Variants in RABGGTA observed in about 807,000 individuals in gnomAD.
RABGGTA encodes the protein geranylgeranyl transferase type-2 subunit alpha.
In RABGGTA, 69 loss-of-function variants were observed where a neutral mutation model predicts 83.3. The observed-to-expected ratio is 0.83, with a 90% confidence interval of 0.68 to 1.01. The LOEUF is 1.01. Among genes scored for constraint, RABGGTA ranks in the 50% least tolerant of loss-of-function variants. The pLI, the probability that RABGGTA is intolerant of heterozygous loss-of-function variation, is 0.00. For synonymous variants in RABGGTA, 310 were observed against 299.8 expected (o/e 1.03, Z -0.35); for missense variants, 681 against 712.7 (o/e 0.96, Z 0.51).
At position 24,266,908 on chromosome 14, in the gene RABGGTA, A is replaced by C. The variant is rs763442711; in HGVS notation, c.1354-19T>G. Reference sequence around the variant, plus strand: ...TCAGATCCTGGGGGGTGAAGGGAGGAAGGAGGTGATGGGCTTCCCAGGAGA... The same window carrying C: ...TCAGATCCTGGGGGGTGAAGGGAGGCAGGAGGTGATGGGCTTCCCAGGAGA... On this transcript the variant is annotated intron_variant, in intron 14 of 16. Coordinates refer to ENST00000216840, the MANE Select transcript of RABGGTA (RefSeq NM_182836.3). The C allele has an allele frequency of 6.3e-7, 1 of 1,588,908 alleles. No individual in the cohort carries two copies. Among genetic ancestry groups the C allele is most frequent in the South Asian group, 1.1e-5 (1 of 90,540 alleles).
At position 24,270,864 on chromosome 14, in the gene RABGGTA, C is replaced by T; in HGVS notation, c.87G>A (p.Gln29=). ...LEREQKLKLY[Q]SATQAVFQKR... Reference sequence around the variant, plus strand: ...TCTGGAATACGGCCTGGGTGGCTGACTGGTATAGCTTCAGCTTCTGCTCTC... The same window carrying T: ...TCTGGAATACGGCCTGGGTGGCTGATTGGTATAGCTTCAGCTTCTGCTCTC... Residue 29 remains glutamine (Q), a synonymous_variant, in exon 3 of 17, where the codon CAG becomes CAA. Coordinates refer to ENST00000216840, the MANE Select transcript of RABGGTA (RefSeq NM_182836.3). 1 of 1,613,984 alleles carries T rather than the reference C, an allele frequency of 6.2e-7. No homozygotes were observed. Among genetic ancestry groups the T allele is most frequent in the Middle Eastern group, 1.6e-4 (1 of 6,062 alleles).
chr14:24,271,278 G>A lies in RABGGTA; in HGVS notation c.-54-109C>T. ...GCAGAGACCCCCAGAGTGTAAAGAG[G>A]TCCTGGGACAGGCTTTGCACGTTCC... is the stretch of plus-strand genomic sequence containing the variant. On this transcript the variant is annotated intron_variant, in intron 1 of 16. Coordinates refer to ENST00000216840, the MANE Select transcript of RABGGTA (RefSeq NM_182836.3). 3 of 897,756 alleles carry A rather than the reference G, an allele frequency of 3.3e-6. No individual in the cohort carries two copies. The South Asian group carries it at 6.7e-5, about 20-fold the overall frequency. The allele number at this position is 897,756 out of a possible 1,614,324, so 55.6% of individuals were successfully genotyped here. A position where few individuals can be genotyped will look rare whatever the true frequency, so the allele number is the denominator to read the frequency against.
chr14:24,270,578 A>G, intron 3 of RABGGTA, 120 bp from the exon 4 acceptor site: 2 of 1,343,754 alleles, frequency 1.5e-6, no homozygotes. Context: ...GGTACTATGA[A>G]CCATGCTTTA....
chr14:24,269,030 T>C (rs761827064), intron 7 of RABGGTA, 37 bp from the exon 8 acceptor site: 3 of 1,581,330 alleles, frequency 1.9e-6, no homozygotes, highest in Non-Finnish European at 2.6e-6. Context: ...TTAAACCCTC[T>C]CCCATTCCTA....
chr14:24,270,451 G>A lies in RABGGTA; in HGVS notation c.122C>T (p.Ala41Val), dbSNP rs1356237443. 1.2e-6 allele frequency: 2 copies of A among 1,613,880 alleles called. No homozygotes were observed. The highest frequency in any genetic ancestry group is 2.7e-5 in the African/African-American group (2 of 74,912). The change falls in exon 4 of 17, where the codon GCT (alanine) becomes GTT (valine). Residue 41 changes from alanine (A) to valine (V), a missense_variant. Physicochemically the swap from Ala to Val is moderately conservative, Grantham distance 64 (BLOSUM62 0). Coordinates refer to ENST00000216840, the MANE Select transcript of RABGGTA (RefSeq NM_182836.3). ...CAGCACGGACTCATCCAGCTCACCA[G>A]CCTGGCGCTAAGAAGATAGGTGGCA... is the stretch of plus-strand genomic sequence containing the variant. Reference protein sequence around the residue: ...ATQAVFQKRQAGELDESVLEL... With the variant: ...ATQAVFQKRQVGELDESVLEL...
At position 24,271,095 on chromosome 14, in the gene RABGGTA, T is replaced by C. The variant is rs1248263859; in HGVS notation, c.3+18A>G. On this transcript the variant is annotated intron_variant, in intron 2 of 16. Coordinates refer to ENST00000216840, the MANE Select transcript of RABGGTA (RefSeq NM_182836.3). ...GCGCGGGCCTGCGGAGGTGAAGGGC[T>C]GGGCTCAGGGTTCTCACCATGGTGC... 18 of 1,563,196 alleles carry C rather than the reference T, an allele frequency of 1.2e-5. No individual in the cohort carries two copies. Among genetic ancestry groups the C allele is most frequent in the Non-Finnish European group, 1.6e-5 (18 of 1,153,736 alleles).
In RABGGTA at chr14:24,266,462, G is replaced by T. The variant is rs771117835; in HGVS notation, c.1523C>A (p.Pro508His). The T allele has an allele frequency of 3.7e-6, 6 of 1,613,902 alleles. No homozygotes were observed. In the Admixed American group the frequency reaches 5.0e-5, roughly 13 times the overall value. Residue 508 changes from proline to histidine, a missense_variant, in exon 16 of 17, where the codon CCC becomes CAC. Transcript: ENST00000216840. ...IESLDGVTNL[P>H]RLQELLLCNN... ...GCACAGTAGCAGCTCCTGCAGCCGGGGTAGGTTGGTGACGCCGTCCAGGGA... is the reference window on the plus strand; with the variant it reads ...GCACAGTAGCAGCTCCTGCAGCCGGTGTAGGTTGGTGACGCCGTCCAGGGA...
chr14:24,268,266 A>T (rs2040899053), intron 11 of RABGGTA, 68 bp from the exon 12 acceptor site: 3 of 1,606,228 alleles, frequency 1.9e-6, no homozygotes, highest in Non-Finnish European at 2.6e-6. Flanking sequence ...CATTCCCAGT[A>T]TCTAGACTGA....
chr14:24,269,767 C>T (rs1393652673), intron 5 of RABGGTA, 73 bp from the exon 6 acceptor site: 1 of 1,513,980 alleles, frequency 6.6e-7, no homozygotes, highest in African/African-American at 1.4e-5. Flanking sequence ...CCCTAGAGTC[C>T]CCTCAGGAAC....
chr14:24,270,058 C>G lies in RABGGTA; in HGVS notation c.322G>C (p.Gly108Arg). ...AGCCAGCATCGGTGGTGCCAGGTAC[C>G]ATAAGACTTGGGGTTCACCCGCAGG... ...SCLRVNPKSY[G>R]TWHHRCWLLG... Residue 108 changes from glycine (G) to arginine (R), a missense_variant, in exon 5 of 17, where the codon GGT becomes CGT. Physicochemically the swap from Gly to Arg is moderately radical, Grantham distance 125. Coordinates refer to ENST00000216840, the MANE Select transcript of RABGGTA (RefSeq NM_182836.3). 2 of 1,612,638 alleles carry G rather than the reference C, an allele frequency of 1.2e-6. No homozygotes were observed. Among genetic ancestry groups the G allele is most frequent in the Non-Finnish European group, 1.7e-6 (2 of 1,179,356 alleles).
chr14:24,269,224 C>A, intron 6 of RABGGTA, 61 bp from the exon 7 acceptor site: 1 of 1,447,944 alleles, frequency 6.9e-7, no homozygotes, highest in South Asian at 1.2e-5. Flanking sequence ...CTGGCCACTC[C>A]AACACCCTAC....
intron 11 of RABGGTA, 33 bp from the exon 12 acceptor site, chr14:24,268,231 C>A: frequency 6.2e-7 from 1 of 1,608,644 alleles, no homozygotes; most frequent in Non-Finnish European, 8.5e-7. Flanking sequence ...GGAGTTGAGG[C>A]CCACAGCCCT....
rs775428396 is a variant in RABGGTA, at chr14:24,270,981, T to G, written c.4-34A>C. ...ATGAACGGGTTGGAAGAGTGCAGGT[T>G]GCCTTGCAGAAGCTGACCTGCAAAA... On this transcript the variant is annotated intron_variant, in intron 2 of 16. Coordinates refer to ENST00000216840, the MANE Select transcript of RABGGTA (RefSeq NM_182836.3). The G allele has an allele frequency of 6.1e-5, 98 of 1,609,654 alleles. No homozygotes were observed. The Middle Eastern group carries it at 6.6e-4, about 11-fold the overall frequency.
intron 12 of RABGGTA, 44 bp downstream of exon 12, chr14:24,268,066 C>T: frequency 6.2e-7 from 1 of 1,610,450 alleles, no homozygotes. Context: ...AAGGGGTTTC[C>T]TCAGCGGGCT....
chr14:24,268,338 CT>C, intron 11 of RABGGTA, 30 bp downstream of exon 11: 1 of 1,612,958 alleles, frequency 6.2e-7, no homozygotes, highest in Non-Finnish European at 8.5e-7. Flanking sequence ...TCCAGAGCCC[CT>C]CTCCTTGTTT....
chr14:24,269,155 G>A lies in RABGGTA; in HGVS notation c.640C>T (p.Leu214=), dbSNP rs1481737036. The part of the protein sequence containing the change: ...PEDVLLKELE[L]VQNAFFTDPN... ...TCAGTGAAGAAGGCATTCTGCACCA[G>A]CTCCAGCTCTGTGGGGTTCCAGGAG... Residue 214 remains leucine, a synonymous_variant, in exon 7 of 17, where the codon CTG becomes TTG. Transcript: ENST00000216840. 3 of 1,610,858 alleles carry A rather than the reference G, an allele frequency of 1.9e-6. No individual in the cohort carries two copies. The African/African-American group carries it at 4.0e-5, about 21-fold the overall frequency.
rs777417462 is a variant in RABGGTA at position 24,267,767 on chromosome 14, G to C, written c.1246C>G (p.Pro416Ala). The change falls in exon 14 of 17, where the codon CCC (proline) becomes GCC (alanine). Residue 416 changes from proline to alanine, a missense_variant. Pro to Ala is a conservative substitution (Grantham distance 27). Around this residue, in one of 5 missense-constraint regions of RABGGTA, gnomAD observed 421 missense variants for 418.5 expected, o/e 1.01. Coordinates refer to ENST00000216840, the MANE Select transcript of RABGGTA (RefSeq NM_182836.3). ...TCATCCAGATACGTTGCCCGCATGG[G>C]GTCCACGGCCTGGAGTGGATGAGGT... ...QYFQTLKAVD[P>A]MRATYLDDLR... The C allele has an allele frequency of 6.2e-7, 1 of 1,612,496 alleles. No individual in the cohort carries two copies. The highest frequency in any genetic ancestry group is 2.2e-5 in the East Asian group (1 of 44,874).
chr14:24,267,482 CAAG>C (rs1029107865), intron 14 of RABGGTA, among the ~76,000 whole-genome samples, 175 bp downstream of exon 14: 8 of 152,044 alleles, frequency 5.3e-5, no homozygotes, highest in Non-Finnish European at 4.4e-5. Context: ...AAGTGAGTGG[CAAG>C]AAGAAGAATG....
At position 24,269,620 on chromosome 14, in the gene RABGGTA, C is replaced by T. The variant is rs201930555; in HGVS notation, c.502G>A (p.Asp168Asn). 1.0e-4 allele frequency: 168 copies of T among 1,613,948 alleles called. No homozygotes were observed. The African/African-American group carries it at 2.0e-3, about 19-fold the overall frequency. The change falls in exon 6 of 17, where the codon GAC (aspartate) becomes AAC (asparagine). Residue 168 changes from aspartate (D) to asparagine (N), a missense_variant. Physicochemically the swap from Asp to Asn is conservative, Grantham distance 23. Around this residue, in one of 5 missense-constraint regions of RABGGTA, gnomAD observed 122 missense variants for 118.9 expected, o/e 1.03. Transcript: ENST00000216840. The part of the protein sequence containing the change: ...VPPAEELAFT[D>N]SLITRNFSNY... ...GAGAAGTTTCGGGTGATGAGGCTGT[C>T]AGTGAAGGCTAGCTCTTCTGCAGGG...
Sources: gnomAD v4.1 joint callset for allele counts (sites outside exome capture counted in the v4.1 genomes callset) on GRCh38, gnomAD v4.1.1 for gene constraint, gnomAD v4.1.1 regional missense constraint, MANE v1.5 for transcripts, NCBI Gene and HGNC (gene_info 2026-07-23, HGNC 2026-07-21) for gene names.